CMTR1: variants seen among roughly 807,000 people sequenced by gnomAD.
The protein encoded by CMTR1 is cap methyltransferase 1, also known as cap-specific mRNA (nucleoside-2'-O-)-methyltransferase 1.
CMTR1 carries 39 observed loss-of-function variants against 107.0 expected under a neutral mutation model. That is an observed-to-expected ratio of 0.36 (90% CI 0.28 to 0.48). CMTR1 has a LOEUF of 0.48. Among genes scored for constraint, CMTR1 ranks in the 20% least tolerant of loss-of-function variants. The probability of loss-of-function intolerance (pLI) is 0.99; values close to 1 mark genes in which losing one functional copy is unlikely to be tolerated. For synonymous variants in CMTR1, 366 were observed against 379.5 expected (o/e 0.96, Z 0.41); for missense variants, 672 against 1,064.9 (o/e 0.63, Z 5.14).
intron 10 of CMTR1, 31 bp downstream of exon 10, chr6:37,459,715 A>AT: frequency 7.0e-7 from 1 of 1,434,830 alleles, no homozygotes; most frequent in Non-Finnish European, 9.8e-7. Flanking sequence ...AGACTGATGC[A>AT]TTAAGGATTT....
chr6:37,424,059 T>A, the CMTR1 span, among the ~76,000 whole-genome samples: 1 of 152,190 alleles, frequency 6.6e-6, no homozygotes, highest in Non-Finnish European at 1.5e-5. Flanking sequence ...GGTAGCCTTT[T>A]TTTTATTGGC....
intron 13 of CMTR1, among the ~76,000 whole-genome samples, chr6:37,468,805 C>G (rs1007561755): frequency 1.3e-5 from 2 of 152,282 alleles, no homozygotes; most frequent in East Asian, 1.9e-4. Context: ...ATCACTTGAA[C>G]CTGGGAGGCA....
chr6:37,450,479 G>A (rs968943118), intron 5 of CMTR1, 136 bp downstream of exon 5: 4 of 687,806 alleles, frequency 5.8e-6, no homozygotes, highest in African/African-American at 5.3e-5. Context: ...GAATAAAACT[G>A]TGTCAAGAGG....
chr6:37,452,818 C>G (rs961737212), intron 6 of CMTR1, among the ~76,000 whole-genome samples: 2 of 151,990 alleles, frequency 1.3e-5, no homozygotes, highest in Non-Finnish European at 2.9e-5. Flanking sequence ...TTTTTAAACA[C>G]TTGCCATGTG....
chr6:37,473,529 G>A lies in CMTR1; in HGVS notation c.1749G>A (p.Glu583=). Residue 583 remains glutamate (E), a synonymous_variant, in exon 17 of 24, where the codon GAG becomes GAA. Transcript: ENST00000373451. ...KPTLLTSKTL[E]KIRPVFDYRC... ...CACTGCTCACCTCTAAAACCCTGGA[G>A]AAGATCCGCCCTGTGTTTGACTACC... 1.2e-6 allele frequency: 2 copies of A among 1,614,148 alleles called. No homozygotes were observed. Among genetic ancestry groups the A allele is most frequent in the Non-Finnish European group, 1.7e-6 (2 of 1,180,024 alleles).
Position 37,472,188 on chromosome 6 carries a change from A to G in CMTR1, c.1621-231A>G, listed in dbSNP as rs1213444928. Among the ~76,000 whole-genome samples the G allele has an allele frequency of 6.6e-6, 1 of 152,122 alleles. No individual in the cohort carries two copies. The highest frequency in any genetic ancestry group is 1.5e-5 in the Non-Finnish European group (1 of 68,020). On this transcript the variant is annotated intron_variant, in intron 15 of 23. Coordinates refer to ENST00000373451, the MANE Select transcript of CMTR1 (RefSeq NM_015050.3). The surrounding 1 kb of genome is among the most constrained non-coding windows in gnomAD (Gnocchi z 4.1). The stretch of plus-strand genomic sequence containing the variant: ...CTGGTGGCCCCTTGTAGCAGCACTG[A>G]CAACAGAGAGCCCCAGAGAAAAGGA...
intron 13 of CMTR1, among the ~76,000 whole-genome samples, chr6:37,469,400 A>G (rs1300405320): frequency 1.3e-5 from 2 of 150,478 alleles, no homozygotes; most frequent in African/African-American, 4.9e-5. Context: ...TGATATATTT[A>G]TATGTGGTTT....
chr6:37,458,798 G>A lies in CMTR1; in HGVS notation c.964G>A (p.Glu322Lys). 2.5e-6 allele frequency: 4 copies of A among 1,613,998 alleles called. No homozygotes were observed. The highest frequency in any genetic ancestry group is 3.4e-6 in the Non-Finnish European group (4 of 1,180,028). ...DFYSASSELF[E>K]PYYGEGGIDG... ...CTACTCTGCTTCCAGTGAACTCTTC[G>A]AACCCTACTATGGTAGGGACATTGA... The change falls in exon 9 of 24, where the codon GAA (glutamate) becomes AAA (lysine). Residue 322 changes from glutamate to lysine, a missense_variant. Transcript: ENST00000373451. The surrounding 1 kb of genome is among the most constrained non-coding windows in gnomAD (Gnocchi z 4.7).
intron 14 of CMTR1, among the ~76,000 whole-genome samples, 182 bp from the exon 15 acceptor site, chr6:37,471,665 G>A (rs1175843584): frequency 6.6e-6 from 1 of 152,188 alleles, no homozygotes; most frequent in Non-Finnish European, 1.5e-5. Flanking sequence ...TTGAGCTCCT[G>A]TCTTCAAAAG....
intron 6 of CMTR1, 127 bp downstream of exon 6, chr6:37,452,004 A>G: frequency 5.7e-6 from 4 of 700,462 alleles, no homozygotes; most frequent in Non-Finnish European, 9.8e-6. Flanking sequence ...GATCAGATGC[A>G]TAGCTTGGTT....
chr6:37,439,473 G>T (rs948375073), intron 2 of CMTR1, among the ~76,000 whole-genome samples: 10 of 152,276 alleles, frequency 6.6e-5, no homozygotes, highest in Admixed American at 6.5e-4. Context: ...CACATTAAAG[G>T]CGCCTTCCTC....
rs192909690 is a variant in CMTR1, at chr6:37,470,392, C to T, written c.1506-629C>T. ...TGATCTCCTGACCTCGTGATCCGCC[C>T]GCCTCAGCCTCCCAAAGTGCTGGGA... On this transcript the variant is annotated intron_variant, in intron 13 of 23. Coordinates refer to ENST00000373451, the MANE Select transcript of CMTR1 (RefSeq NM_015050.3). 6.5e-3 allele frequency among the ~76,000 whole-genome samples: 985 copies of T among 151,820 alleles called. 4 individuals carry two copies. Among genetic ancestry groups the T allele is most frequent in the African/African-American group, 0.022 (922 of 41,362 alleles).
intron 20 of CMTR1, among the ~76,000 whole-genome samples, chr6:37,477,173 A>C (rs544973916): frequency 6.6e-6 from 1 of 152,342 alleles, no homozygotes; most frequent in Admixed American, 6.5e-5. Flanking sequence ...GTTTAGCAGT[A>C]ACTTGTTATG....
At chr6:37,475,288 CAG>C in intron 18 of CMTR1, 31 bp from the exon 19 acceptor site, 1 of 1,558,650 alleles carries the variant, frequency 6.4e-7, no homozygotes. Context: ...TGACACCTGG[CAG>C]AGTGGGCAGT....
At chr6:37,444,755 T>C (rs552699944) in intron 3 of CMTR1, among the ~76,000 whole-genome samples, 1 of 152,326 alleles carries the variant, frequency 6.6e-6, no homozygotes, top group South Asian at 2.1e-4. Flanking sequence ...CCAGGCGCAG[T>C]GGCTCACGTC....
chr6:37,480,113 G>A lies in CMTR1; in HGVS notation c.2476G>A (p.Val826Ile), dbSNP rs1300097827. The A allele has an allele frequency of 1.9e-6, 3 of 1,600,732 alleles. No homozygotes were observed. The change falls in exon 24 of 24, where the codon GTC (valine) becomes ATC (isoleucine). Residue 826 changes from valine to isoleucine, a missense_variant. Around this residue, in one of 2 missense-constraint regions of CMTR1, gnomAD observed 583 missense variants for 968.4 expected, o/e 0.60. Coordinates refer to ENST00000373451, the MANE Select transcript of CMTR1 (RefSeq NM_015050.3). ...QDQDKLSKED[V>I]LSFIQMHRA ...CCAGGACAAGCTGTCCAAGGAGGAC[G>A]TCCTCTCCTTCATCCAGATGCACAG...
At chr6:37,450,216 C>A in intron 4 of CMTR1, 35 bp from the exon 5 acceptor site, 2 of 1,559,462 alleles carry the variant, frequency 1.3e-6, no homozygotes, top group South Asian at 1.1e-5. Flanking sequence ...GAGGGTGTGT[C>A]ATATCTGTCT....
chr6:37,447,053 A>G (rs1771813227), intron 4 of CMTR1, among the ~76,000 whole-genome samples: 1 of 152,188 alleles, frequency 6.6e-6, no homozygotes, highest in Non-Finnish European at 1.5e-5. Flanking sequence ...TTATTCATTT[A>G]TTTATGTCCT....
intron 22 of CMTR1, among the ~76,000 whole-genome samples, chr6:37,478,913 C>T (rs1761799129): frequency 6.6e-6 from 1 of 152,156 alleles, no homozygotes; most frequent in Non-Finnish European, 1.5e-5. Flanking sequence ...GAGATGTTAC[C>T]CTGATGGAGG....
Sources: allele counts gnomAD v4.1 joint callset (sites outside exome capture counted in the v4.1 genomes callset), GRCh38; gene constraint gnomAD v4.1.1; regional missense constraint gnomAD v4.1.1; non-coding constraint Gnocchi (gnomAD v3.1); transcripts MANE v1.5; gene names NCBI Gene and HGNC (gene_info 2026-07-23, HGNC 2026-07-21).